Variants in CSMD1 observed in about 807,000 individuals in gnomAD.
CSMD1 encodes CUB and sushi domain-containing protein 1.
A neutral mutation model predicts 417.5 loss-of-function variants in CSMD1; 213 were observed. The observed-to-expected ratio is 0.51, with a 90% CI of 0.46 to 0.57. The LOEUF (loss-of-function observed/expected upper bound fraction) is 0.57, where lower values mean the gene tolerates loss of function less well. Ranked by LOEUF, CSMD1 falls within the 20% of genes least tolerant of loss-of-function variation. The pLI, the probability that CSMD1 is intolerant of heterozygous loss-of-function variation, is 0.00. For missense variants in CSMD1, 6,923 were observed against 4,529.7 expected (o/e 1.53, Z -15.17); for synonymous variants, 2,862 against 1,736.8 (o/e 1.65, Z -16.11).
intron 3 of CSMD1, among the ~76,000 whole-genome samples, chr8:4,189,220 C>T (rs1259716109): frequency 6.6e-6 from 1 of 152,158 alleles, no homozygotes; most frequent in Non-Finnish European, 1.5e-5. Context: ...TGTTTATGCC[C>T]CAGGACCCAT....
chr8:4,341,259 G>A (rs1332569357), intron 3 of CSMD1, among the ~76,000 whole-genome samples: 1 of 152,014 alleles, frequency 6.6e-6, no homozygotes, highest in Non-Finnish European at 1.5e-5. Flanking sequence ...TTTTTCAGAA[G>A]GCAGTTGTAT....
At chr8:3,968,773 G>C (rs760924476) in intron 5 of CSMD1, among the ~76,000 whole-genome samples, 1 of 152,120 alleles carries the variant, frequency 6.6e-6, no homozygotes, top group Admixed American at 6.6e-5. Context: ...GAAGATGGGT[G>C]GGGATTTGTA....
chr8:4,359,437 C>G (rs552374379), intron 3 of CSMD1, among the ~76,000 whole-genome samples: 7 of 152,262 alleles, frequency 4.6e-5, no homozygotes, highest in African/African-American at 1.7e-4. Context: ...CCTATTTTCT[C>G]GAGCAATTTA....
chr8:4,099,659 A>G (rs1486622839), intron 3 of CSMD1, among the ~76,000 whole-genome samples: 2 of 152,000 alleles, frequency 1.3e-5, no homozygotes, highest in African/African-American at 4.8e-5. Context: ...AAACCAATGC[A>G]GTCTGCTTAT....
chr8:3,056,630 A>G (rs942429168), intron 49 of CSMD1, among the ~76,000 whole-genome samples: 1 of 152,146 alleles, frequency 6.6e-6, no homozygotes, highest in African/African-American at 2.4e-5. Context: ...TCAGCCTCCC[A>G]AAGTGCTGGG....
intron 3 of CSMD1, among the ~76,000 whole-genome samples, chr8:4,298,529 A>C (rs1276786790): frequency 6.6e-6 from 1 of 152,206 alleles, no homozygotes; most frequent in African/African-American, 2.4e-5. Context: ...CCTATATACA[A>C]TGTACACATG....
chr8:4,890,115 T>C (rs1004370079), intron 1 of CSMD1, among the ~76,000 whole-genome samples: 1 of 152,292 alleles, frequency 6.6e-6, no homozygotes, highest in South Asian at 2.1e-4. Context: ...AAAACTATTT[T>C]ATGATGGCCT....
chr8:4,385,073 C>A (rs922477859), intron 3 of CSMD1, among the ~76,000 whole-genome samples: 1 of 152,142 alleles, frequency 6.6e-6, no homozygotes, highest in Non-Finnish European at 1.5e-5. Flanking sequence ...ATTACAGGTG[C>A]CTTCCAGCAC....
intron 37 of CSMD1, among the ~76,000 whole-genome samples, chr8:3,169,831 G>A (rs1380899756): frequency 2.6e-5 from 4 of 152,068 alleles, no homozygotes; most frequent in Non-Finnish European, 1.5e-5. Flanking sequence ...TCTTTCTGGT[G>A]TCACTACATG....
At chr8:3,485,660 T>G (rs535707365) in intron 11 of CSMD1, among the ~76,000 whole-genome samples, 2 of 151,822 alleles carry the variant, frequency 1.3e-5, no homozygotes, top group Non-Finnish European at 2.9e-5. Context: ...CTCCTGAGAC[T>G]GAGGCATGAG....
At chr8:4,035,953 T>G (rs1158297289) in intron 3 of CSMD1, among the ~76,000 whole-genome samples, 2 of 152,210 alleles carry the variant, frequency 1.3e-5, no homozygotes, top group Non-Finnish European at 2.9e-5. Flanking sequence ...CTATTCACGG[T>G]AAGTGTCCTA....
intron 3 of CSMD1, among the ~76,000 whole-genome samples, chr8:4,073,980 A>G (rs962348058): frequency 6.6e-6 from 1 of 152,044 alleles, no homozygotes; most frequent in Admixed American, 6.6e-5. Context: ...AATCTTTGTC[A>G]TTGGCTTTGG....
At chr8:4,097,153 T>C (rs1271957978) in intron 3 of CSMD1, among the ~76,000 whole-genome samples, 1 of 152,186 alleles carries the variant, frequency 6.6e-6, no homozygotes, top group East Asian at 1.9e-4. Flanking sequence ...CATTTCTTTC[T>C]GTCATGCTTA....
At chr8:4,091,894 CAG>C (rs1471436315) in intron 3 of CSMD1, among the ~76,000 whole-genome samples, 2 of 152,160 alleles carry the variant, frequency 1.3e-5, no homozygotes, top group African/African-American at 4.8e-5. Flanking sequence ...AAGAACCGTA[CAG>C]AGTTTTAAAT....
intron 4 of CSMD1, among the ~76,000 whole-genome samples, chr8:4,026,092 AT>A (rs1407229694): frequency 6.6e-6 from 1 of 152,136 alleles, no homozygotes; most frequent in African/African-American, 2.4e-5. Context: ...ATATATACTC[AT>A]TTCATTCGTG....
chr8:3,216,692 C>A (rs185162108), intron 29 of CSMD1, among the ~76,000 whole-genome samples: 1 of 152,362 alleles, frequency 6.6e-6, no homozygotes, highest in East Asian at 1.9e-4. Context: ...AGGCTTCTAA[C>A]TAGATGACTT....
intron 2 of CSMD1, among the ~76,000 whole-genome samples, chr8:4,600,379 C>G (rs936621461): frequency 1.3e-5 from 2 of 152,100 alleles, no homozygotes; most frequent in Non-Finnish European, 2.9e-5. Context: ...AAAGATATAG[C>G]TATTAAGACC....
intron 7 of CSMD1, among the ~76,000 whole-genome samples, chr8:3,695,124 A>G (rs1210444393): frequency 1.5e-5 from 1 of 66,668 alleles, no homozygotes; most frequent in Non-Finnish European, 3.5e-5. Context: ...GTGGTTATTG[A>G]AGAAGTGTAG....
intron 11 of CSMD1, among the ~76,000 whole-genome samples, chr8:3,489,986 T>C (rs961357847): frequency 2.6e-5 from 4 of 152,240 alleles, no homozygotes; most frequent in Non-Finnish European, 4.4e-5. Context: ...CCAGTCTATC[T>C]GTCATTTCTC....
Sources: gnomAD v4.1 joint callset for allele counts (sites outside exome capture counted in the v4.1 genomes callset) on GRCh38, gnomAD v4.1.1 for gene constraint, MANE v1.5 for transcripts, NCBI Gene and HGNC (gene_info 2026-07-23, HGNC 2026-07-21) for gene names.